Variants in FSIP1 observed in about 807,000 individuals in gnomAD.
FSIP1 encodes the protein fibrous sheath interacting protein 1, also known as fibrous sheath-interacting protein 1.
A neutral mutation model predicts 60.9 loss-of-function variants in FSIP1; 65 were observed. That is an observed-to-expected ratio of 1.07 (90% CI 0.87 to 1.31). The LOEUF (loss-of-function observed/expected upper bound fraction) is 1.31, where lower values mean the gene tolerates loss of function less well. Ranked by LOEUF, FSIP1 falls within the 40% of genes most tolerant of loss-of-function variation. The probability of loss-of-function intolerance (pLI) is 0.00; values close to 1 mark genes in which losing one functional copy is unlikely to be tolerated. For missense variants in FSIP1, 675 were observed against 665.5 expected, an observed-to-expected ratio of 1.01 and a Z score of -0.16; for synonymous variants, 209 against 221.2, an observed-to-expected ratio of 0.94 and a Z score of 0.49.
chr15:39,633,907 G>A (rs993916001), intron 10 of FSIP1, among the ~76,000 whole-genome samples: 12 of 152,086 alleles, frequency 7.9e-5, no homozygotes, highest in African/African-American at 2.9e-4. Context: ...ATTCCTAAAC[G>A]ATCTAAAGAT....
chr15:39,664,291 G>C (rs893391393), intron 10 of FSIP1, among the ~76,000 whole-genome samples: 3 of 152,134 alleles, frequency 2.0e-5, no homozygotes, highest in African/African-American at 7.2e-5. Context: ...CTTTATGCTT[G>C]AAAAGAATTA....
At chr15:39,761,491 G>A in intron 5 of FSIP1, among the ~76,000 whole-genome samples, 1 of 152,194 alleles carries the variant, frequency 6.6e-6, no homozygotes, top group East Asian at 1.9e-4. Context: ...AATACTACAT[G>A]TTCCCATTTA....
intron 1 of FSIP1, among the ~76,000 whole-genome samples, chr15:39,782,325 C>T (rs115405508): frequency 9.2e-5 from 14 of 152,054 alleles, no homozygotes; most frequent in African/African-American, 3.4e-4. Flanking sequence ...TTGCCGTTTA[C>T]GGTCTAGTTT....
intron 3 of FSIP1, among the ~76,000 whole-genome samples, chr15:39,767,644 C>T (rs931040545): frequency 3.3e-5 from 5 of 152,142 alleles, no homozygotes; most frequent in South Asian, 2.1e-4. Flanking sequence ...AGTGGCTGGA[C>T]GTTGAGAGGA....
intron 10 of FSIP1, among the ~76,000 whole-genome samples, chr15:39,682,664 C>A (rs1004893374): frequency 6.6e-6 from 1 of 152,176 alleles, no homozygotes; most frequent in Non-Finnish European, 1.5e-5. Context: ...ATTATGTTAA[C>A]CACAAGCAAA....
intron 3 of FSIP1, among the ~76,000 whole-genome samples, chr15:39,768,903 T>C (rs1327407780): frequency 6.6e-6 from 1 of 152,192 alleles, no homozygotes; most frequent in Non-Finnish European, 1.5e-5. Context: ...AAAAAGTGGT[T>C]AACTAAATTA....
At chr15:39,765,342 G>A (rs1897647118) in intron 4 of FSIP1, among the ~76,000 whole-genome samples, 1 of 148,482 alleles carries the variant, frequency 6.7e-6, no homozygotes, top group Non-Finnish European at 1.5e-5. Flanking sequence ...CTGGGCTCAA[G>A]GGATCCTCCC....
chr15:39,672,015 A>G (rs2411301), intron 10 of FSIP1, among the ~76,000 whole-genome samples: 6,601 of 152,080 alleles, frequency 0.043, 471 homozygotes, highest in African/African-American at 0.15. Flanking sequence ...ACTTTCCTGC[A>G]TCCAGAAAAT....
In FSIP1 at chr15:39,621,346, A is replaced by C. The variant is rs76173865; in HGVS notation, c.1189-3101T>G. Among the ~76,000 whole-genome samples, 9 of 152,310 alleles carry C rather than the reference A, an allele frequency of 5.9e-5. No individual in the cohort carries two copies. The East Asian group carries it at 1.7e-3, about 29-fold the overall frequency. On this transcript the variant is annotated intron_variant, in intron 10 of 11. Transcript: ENST00000350221. ...ATTGCTTCTGGGCACTATGAGATAA[A>C]ACATTACACATTTCAGCTTGTGTGT... is the stretch of plus-strand genomic sequence containing the variant.
chr15:39,661,384 C>CG (rs1893289415), intron 10 of FSIP1, among the ~76,000 whole-genome samples: 2 of 152,150 alleles, frequency 1.3e-5, no homozygotes, highest in African/African-American at 4.8e-5. Flanking sequence ...TCATCTGAGC[C>CG]TAGCTTAGCT....
Position 39,746,146 on chromosome 15 carries a change from C to T in FSIP1, c.560-4246G>A, listed in dbSNP as rs945903676. ...TGTTGAATGAAACAATTTCATTCAA[C>T]GACCTAATGTTCTCTATTTCCAGAA... On this transcript the variant is annotated intron_variant, in intron 5 of 11. Transcript: ENST00000350221. Among the ~76,000 whole-genome samples, 6 of 151,942 alleles carry T rather than the reference C, an allele frequency of 3.9e-5. No individual in the cohort carries two copies. In the East Asian group the frequency reaches 7.7e-4, roughly 20 times the overall value.
At chr15:39,622,270 C>T (rs138758920) in intron 10 of FSIP1, among the ~76,000 whole-genome samples, 40 of 152,312 alleles carry the variant, frequency 2.6e-4, no homozygotes, top group Admixed American at 2.5e-3. Flanking sequence ...CTTCATAAAA[C>T]TCAACATAGT....
intron 10 of FSIP1, among the ~76,000 whole-genome samples, chr15:39,627,315 G>A (rs1891682439): frequency 6.6e-6 from 1 of 152,240 alleles, no homozygotes; most frequent in African/African-American, 2.4e-5. Flanking sequence ...CACTGCCATG[G>A]CCCCTCAAGT....
intron 10 of FSIP1, among the ~76,000 whole-genome samples, chr15:39,649,937 C>T (rs1892798336): frequency 6.6e-6 from 1 of 152,214 alleles, no homozygotes; most frequent in African/African-American, 2.4e-5. Context: ...GCCTCGTGCT[C>T]ATTTCTGGCC....
At chr15:39,688,589 C>T (rs1894476187) in intron 10 of FSIP1, among the ~76,000 whole-genome samples, 1 of 152,170 alleles carries the variant, frequency 6.6e-6, no homozygotes. Flanking sequence ...ACCATCTGTA[C>T]TATGATTTCT....
At chr15:39,739,525 T>C (rs1896732971) in intron 7 of FSIP1, 140 bp downstream of exon 7, 1 of 727,516 alleles carries the variant, frequency 1.4e-6, no homozygotes, top group Non-Finnish European at 2.2e-6. Context: ...ATAAAAGTTT[T>C]CTTTCATTAT....
At chr15:39,684,926 C>T (rs1183211560) in intron 10 of FSIP1, among the ~76,000 whole-genome samples, 1 of 152,200 alleles carries the variant, frequency 6.6e-6, no homozygotes, top group Non-Finnish European at 1.5e-5. Flanking sequence ...CAAGGTCACA[C>T]AGCTAGTCCA....
chr15:39,657,636 T>C (rs971429214), intron 10 of FSIP1, among the ~76,000 whole-genome samples: 3 of 152,338 alleles, frequency 2.0e-5, no homozygotes, highest in East Asian at 1.9e-4. Flanking sequence ...TTGAAATTAA[T>C]ATGGTACAGT....
chr15:39,670,209 G>A (rs535976584), intron 10 of FSIP1, among the ~76,000 whole-genome samples: 30 of 152,240 alleles, frequency 2.0e-4, no homozygotes, highest in African/African-American at 6.7e-4. Context: ...AGCCCAAAAG[G>A]TCCTTTCATT....
Sources: gnomAD v4.1 joint callset for allele counts (sites outside exome capture counted in the v4.1 genomes callset) on GRCh38, gnomAD v4.1.1 for gene constraint, MANE v1.5 for transcripts, NCBI Gene and HGNC (gene_info 2026-07-23, HGNC 2026-07-21) for gene names.